SLCO3A1: variants seen among roughly 807,000 people sequenced by gnomAD.
SLCO3A1 encodes the protein PGE1 transporter.
In SLCO3A1, 27 loss-of-function variants were observed where a neutral mutation model predicts 63.1. That is an observed-to-expected ratio of 0.43 (90% CI 0.32 to 0.59). The LOEUF is 0.59. Among genes scored for constraint, SLCO3A1 ranks in the 20% least tolerant of loss-of-function variants. The probability of loss-of-function intolerance (pLI) is 0.09; values close to 1 mark genes in which losing one functional copy is unlikely to be tolerated. For synonymous variants in SLCO3A1, 473 were observed against 409.9 expected, an observed-to-expected ratio of 1.15 and a Z score of -1.86; for missense variants, 773 against 945.8, an observed-to-expected ratio of 0.82 and a Z score of 2.40.
downstream of SLCO3A1, among the ~76,000 whole-genome samples, chr15:92,166,994 G>A (rs2048497133): frequency 1.3e-5 from 2 of 152,238 alleles, no homozygotes; most frequent in Non-Finnish European, 2.9e-5. Flanking sequence ...GTGCATAGAG[G>A]TCAATGCATC....
intron 2 of SLCO3A1, among the ~76,000 whole-genome samples, chr15:92,048,553 A>G (rs2046918315): frequency 1.3e-5 from 2 of 152,160 alleles, no homozygotes; most frequent in Non-Finnish European, 2.9e-5. Flanking sequence ...ACTGGATTCT[A>G]GTAGCAGCCC....
intron 2 of SLCO3A1, among the ~76,000 whole-genome samples, chr15:92,032,668 G>A (rs1476971003): frequency 6.6e-6 from 1 of 152,114 alleles, no homozygotes; most frequent in Non-Finnish European, 1.5e-5. Context: ...GGGTAGGTTG[G>A]AGTGGGCAGC....
At chr15:91,910,460 TG>T (rs1381567457) in intron 1 of SLCO3A1, among the ~76,000 whole-genome samples, 17 of 152,246 alleles carry the variant, frequency 1.1e-4, no homozygotes, top group Non-Finnish European at 1.2e-4. Context: ...TGTGTGGGAC[TG>T]AATTTGAAGT....
rs914151508 is a variant in SLCO3A1 at position 91,886,963 on chromosome 15, G to A, written c.181-29030G>A. 6.6e-6 allele frequency among the ~76,000 whole-genome samples: 1 copy of A among 152,200 alleles called. No homozygotes were observed. The highest frequency in any genetic ancestry group is 2.4e-5 in the African/African-American group (1 of 41,456). On this transcript the variant is annotated intron_variant, in intron 1 of 9. Transcript: ENST00000318445. This position sits in a 1 kb window ranked among gnomAD's most constrained non-coding sequence, Gnocchi z 4.9. ...TGCAGTTGCGTGGGAGAGGGAGCAG[G>A]AGTTTATTCTCCCCTCTTTGTTTCT...
intron 2 of SLCO3A1, among the ~76,000 whole-genome samples, chr15:91,945,840 G>A (rs184932379): frequency 1.0e-3 from 152 of 152,344 alleles, no homozygotes; most frequent in Non-Finnish European, 1.8e-3. Context: ...AGGAGGCAGA[G>A]AAGGTTGGAG....
intron 2 of SLCO3A1, among the ~76,000 whole-genome samples, chr15:91,943,869 C>T (rs1899708080): frequency 6.6e-6 from 1 of 152,154 alleles, no homozygotes; most frequent in African/African-American, 2.4e-5. Flanking sequence ...ACCTGGTTCC[C>T]TCTTTGTGCC....
intron 2 of SLCO3A1, among the ~76,000 whole-genome samples, chr15:92,036,640 T>C (rs930165118): frequency 6.6e-6 from 1 of 152,200 alleles, no homozygotes; most frequent in Non-Finnish European, 1.5e-5. Flanking sequence ...CTAGCTTTGC[T>C]GCTATCCAAT....
At chr15:92,075,959 C>T (rs2047271545) in intron 2 of SLCO3A1, among the ~76,000 whole-genome samples, 1 of 152,222 alleles carries the variant, frequency 6.6e-6, no homozygotes, top group Non-Finnish European at 1.5e-5. Context: ...TATCAGAAAA[C>T]TGCAGAGGAA....
intron 1 of SLCO3A1, among the ~76,000 whole-genome samples, chr15:91,890,694 A>G (rs1041081136): frequency 1.3e-5 from 2 of 152,138 alleles, no homozygotes; most frequent in African/African-American, 4.8e-5. Context: ...GATAAATACC[A>G]ACTCTTAAAG....
chr15:92,025,192 A>T (rs1398860779), intron 2 of SLCO3A1, among the ~76,000 whole-genome samples: 1 of 141,144 alleles, frequency 7.1e-6, no homozygotes, highest in Non-Finnish European at 1.5e-5. Context: ...GCTTTTAAAA[A>T]ATTTTTTTCT....
chr15:92,003,020 G>T (rs991390969), intron 2 of SLCO3A1, among the ~76,000 whole-genome samples: 4 of 152,130 alleles, frequency 2.6e-5, no homozygotes, highest in African/African-American at 9.7e-5. Context: ...GTGAAGTGAG[G>T]CAAGGATATC....
intron 2 of SLCO3A1, among the ~76,000 whole-genome samples, chr15:92,058,105 G>A (rs2047043133): frequency 6.6e-6 from 1 of 152,108 alleles, no homozygotes; most frequent in Admixed American, 6.5e-5. Context: ...CATCACTATT[G>A]ATTAAATGCA....
intron 2 of SLCO3A1, among the ~76,000 whole-genome samples, chr15:91,981,224 C>T (rs759249084): frequency 6.6e-6 from 1 of 152,170 alleles, no homozygotes; most frequent in Non-Finnish European, 1.5e-5. Flanking sequence ...GCCAGACCCT[C>T]CTTGCTCTGC....
At chr15:92,135,960 A>C (rs2048051968) in intron 7 of SLCO3A1, among the ~76,000 whole-genome samples, 1 of 152,144 alleles carries the variant, frequency 6.6e-6, no homozygotes, top group Admixed American at 6.5e-5. Flanking sequence ...TTGAGGCCCC[A>C]AACTTGAGAC....
chr15:92,145,235 A>G (rs7161884), intron 7 of SLCO3A1, among the ~76,000 whole-genome samples: 69 of 152,284 alleles, frequency 4.5e-4, no homozygotes, highest in African/African-American at 1.6e-3. Flanking sequence ...GCGTGGGAGA[A>G]AAGGAAATGC....
intron 2 of SLCO3A1, among the ~76,000 whole-genome samples, chr15:91,983,316 G>A (rs2046010289): frequency 6.6e-6 from 1 of 152,084 alleles, no homozygotes; most frequent in Non-Finnish European, 1.5e-5. Flanking sequence ...GCATCTTTTT[G>A]TTAAAGTATG....
chr15:92,114,198 C>T (rs1422764447), intron 4 of SLCO3A1, among the ~76,000 whole-genome samples: 1 of 152,176 alleles, frequency 6.6e-6, no homozygotes, highest in African/African-American at 2.4e-5. Context: ...TGTTTCCACC[C>T]AGACAGTGAA....
At chr15:91,896,916 G>T (rs965003140) in intron 1 of SLCO3A1, among the ~76,000 whole-genome samples, 1 of 152,202 alleles carries the variant, frequency 6.6e-6, no homozygotes. Context: ...ATTGATACCA[G>T]CCTTGATGCT....
At chr15:92,119,016 T>C (rs1284833119) in intron 4 of SLCO3A1, among the ~76,000 whole-genome samples, 1 of 152,228 alleles carries the variant, frequency 6.6e-6, no homozygotes, top group Non-Finnish European at 1.5e-5. Context: ...ATAACAGCCA[T>C]GAAACCACGC....
Sources: gnomAD v4.1 joint callset for allele counts (sites outside exome capture counted in the v4.1 genomes callset) on GRCh38, gnomAD v4.1.1 for gene constraint, Gnocchi (gnomAD v3.1) non-coding constraint, MANE v1.5 for transcripts, NCBI Gene and HGNC (gene_info 2026-07-23, HGNC 2026-07-21) for gene names.